Variants in FCN3 observed in about 807,000 individuals in gnomAD.
The protein encoded by FCN3 is ficolin-3.
FCN3 carries 28 observed loss-of-function variants against 31.5 expected under a neutral mutation model. The observed-to-expected ratio is 0.89, with a 90% confidence interval of 0.66 to 1.22. The LOEUF (loss-of-function observed/expected upper bound fraction) is 1.22. Among genes scored for constraint, FCN3 ranks in the 50% most tolerant of loss-of-function variants. The probability of loss-of-function intolerance (pLI) is 0.00; values close to 1 mark genes in which losing one functional copy is unlikely to be tolerated. For synonymous variants in FCN3, 124 were observed against 147.4 expected (o/e 0.84, Z 1.15); for missense variants, 351 against 386.8 (o/e 0.91, Z 0.78).
At chr1:27,371,916 C>T (rs769767071) in intron 5 of FCN3, among the ~76,000 whole-genome samples, 26 of 152,180 alleles carry the variant, frequency 1.7e-4, no homozygotes, top group Non-Finnish European at 2.4e-4. Flanking sequence ...CCTGCCACCA[C>T]GCCCAGCTAA....
At position 27,371,156 on chromosome 1, in the gene FCN3, A is replaced by G. The variant is rs562025241; in HGVS notation, c.394-184T>C. ...ACTCTACATTCCCTTGTTAACTTTT[A>G]CTGACACTCAACTTCATGCCACAGC... On this transcript the variant is annotated intron_variant, in intron 5 of 7. Transcript: ENST00000270879. Among the ~76,000 whole-genome samples the G allele has an allele frequency of 2.0e-5, 3 of 152,316 alleles. 1 individual carries two copies. In the South Asian group the frequency reaches 6.2e-4, roughly 32 times the overall value.
At chr1:27,371,089 TA>T (rs1253330112) in intron 5 of FCN3, 117 bp from the exon 6 acceptor site, 19 of 994,306 alleles carry the variant, frequency 1.9e-5, no homozygotes, top group Admixed American at 4.6e-5. Flanking sequence ...GGCCTGTTGA[TA>T]AAATGGGGAT....
At chr1:27,373,424 G>A (rs2016188211) in intron 4 of FCN3, 64 bp downstream of exon 4, 1 of 1,604,286 alleles carries the variant, frequency 6.2e-7, no homozygotes, top group Middle Eastern at 1.7e-4. Flanking sequence ...GCCACACTTG[G>A]GGGTCTGCCA....
intron 5 of FCN3, 99 bp from the exon 6 acceptor site, chr1:27,371,071 T>C (rs956272818): frequency 1.2e-5 from 14 of 1,206,964 alleles, no homozygotes; most frequent in Admixed American, 2.1e-5. Context: ...ACTCTCTCTT[T>C]GGATTGGGGC....
rs2016134581 is a variant in FCN3 at position 27,370,958 on chromosome 1, G to A, written c.408C>T (p.Arg136=). The A allele has an allele frequency of 6.2e-7, 1 of 1,612,586 alleles. No homozygotes were observed. Among genetic ancestry groups the A allele is most frequent in the Non-Finnish European group, 8.5e-7 (1 of 1,179,726 alleles). The change falls in exon 6 of 8, where the codon CGC becomes CGT. Residue 136 remains arginine (R), a synonymous_variant. Transcript: ENST00000270879. ...GGAAGAAATCCACAGAACCATCCTG[G>A]CGCCTCTGAAACACCTGGGGGAGGG... ...EGGGWLVFQR[R]QDGSVDFFRS...
At chr1:27,374,055 A>C in intron 2 of FCN3, 46 bp from the exon 3 acceptor site, 2 of 1,550,732 alleles carry the variant, frequency 1.3e-6, no homozygotes, top group Non-Finnish European at 1.8e-6. Flanking sequence ...CCCCATGCCC[A>C]GGACCAAAAA....
At chr1:27,372,693 A>G (rs2016169881) in intron 5 of FCN3, among the ~76,000 whole-genome samples, 1 of 150,278 alleles carries the variant, frequency 6.7e-6, no homozygotes, top group Admixed American at 6.6e-5. Flanking sequence ...CAGCTCACTC[A>G]CGCGTTCCCT....
Position 27,374,385 on chromosome 1 carries a change from G to A in FCN3, c.158C>T (p.Pro53Leu), listed in dbSNP as rs778101387. 6.2e-7 allele frequency: 1 copy of A among 1,613,664 alleles called. No individual in the cohort carries two copies. The highest frequency in any genetic ancestry group is 1.1e-5 in the South Asian group (1 of 91,068). ...LPSCPGAPGS[P>L]GEKGAPGPQG... is the part of the protein sequence containing the mutation. ...AGGACCTGGGGCTCCCTTCTCCCCA[G>A]GACTTCCTGGAGCTCCGGGACAACT... The change falls in exon 2 of 8, where the codon CCT becomes CTT. Residue 53 changes from proline (P) to leucine (L), a missense_variant. Pro to Leu is a moderately conservative substitution (Grantham distance 98). Transcript: ENST00000270879.
chr1:27,373,893 G>C (rs747787201), intron 3 of FCN3, 72 bp downstream of exon 3: 2 of 1,328,860 alleles, frequency 1.5e-6, no homozygotes, highest in Non-Finnish European at 2.1e-6. Context: ...CAGCAGCCAA[G>C]CAGAGATCCC....
chr1:27,371,042 GA>G, intron 5 of FCN3, 70 bp from the exon 6 acceptor site: 1 of 1,524,992 alleles, frequency 6.6e-7, no homozygotes. Flanking sequence ...CAGGAACTGT[GA>G]GGGGTGGGTG....
In FCN3 at chr1:27,369,241, G is replaced by A. The variant is rs775014167; in HGVS notation, c.895C>T (p.Arg299Ter). ...GCACTGGCTGCCAGAGTGCCCTATC[G>A]AAGCATCATCCGAACCCTGCGGTAG... ...HPYRRVRMMLR is the reference protein window; with the variant it reads ...HPYRRVRMML The change falls in exon 8 of 8, where the codon CGA (arginine) becomes TGA (stop). Residue 299 changes from arginine (R) to a stop codon, truncating the protein, a stop_gained. Transcript: ENST00000270879. LOFTEE classifies it high-confidence loss of function. The A allele has an allele frequency of 3.0e-5, 48 of 1,614,060 alleles. No homozygotes were observed. The highest frequency in any genetic ancestry group is 1.5e-4 in the Admixed American group (9 of 60,014).
intron 2 of FCN3, 149 bp downstream of exon 2, chr1:27,374,207 T>C: frequency 2.8e-6 from 2 of 716,358 alleles, no homozygotes; most frequent in Non-Finnish European, 4.7e-6. Flanking sequence ...CCTGGCAGAG[T>C]TGATCTTAGG....
chr1:27,369,591 CACGAGCA>C lies in FCN3; in HGVS notation c.659-121_659-115del, dbSNP rs1270463740. 4.0e-5 allele frequency: 38 copies of C among 943,368 alleles called. No homozygotes were observed. The African/African-American group carries it at 5.4e-4, about 13-fold the overall frequency. The allele number at this position is 943,368 out of a possible 1,614,324, so 58.4% of individuals were successfully genotyped here. ...CTAAGAGTTGAATTTTATCAGGCCC[CACGAGCA>C]ACACCAAGGGGCCAGGTTGTTTGCG... On this transcript the variant is annotated intron_variant, in intron 7 of 7. Coordinates refer to ENST00000270879, the MANE Select transcript of FCN3 (RefSeq NM_003665.4).
chr1:27,372,041 G>A (rs1292947665), intron 5 of FCN3, among the ~76,000 whole-genome samples: 1 of 151,876 alleles, frequency 6.6e-6, no homozygotes, highest in Admixed American at 6.6e-5. Flanking sequence ...GATTACAGGT[G>A]TGAGCTACTG....
rs543940787 is a variant in FCN3, at chr1:27,369,146, A to G, written c.*90T>C. The G allele has an allele frequency of 1.8e-3, 2,597 of 1,459,436 alleles. 11 individuals are homozygous for G. Among genetic ancestry groups the G allele is most frequent in the South Asian group, 0.01 (838 of 83,698 alleles). The allele number at this position is 1,459,436 out of a possible 1,614,324, so 90.4% of individuals were successfully genotyped here. A position where few individuals can be genotyped will look rare whatever the true frequency, so the allele number is the denominator to read the frequency against. On this transcript the variant is annotated 3_prime_UTR_variant, in exon 8 of 8. Coordinates refer to ENST00000270879, the MANE Select transcript of FCN3 (RefSeq NM_003665.4). ...AAAATGATTTTATTTTTAAATGTGG[A>G]CAGGCAAGCAGAGGTGGTTGGCAAA...
intron 5 of FCN3, among the ~76,000 whole-genome samples, chr1:27,372,000 A>G (rs541420186): frequency 2.4e-4 from 36 of 151,856 alleles, no homozygotes; most frequent in African/African-American, 7.5e-4. Flanking sequence ...AGCTCAGGCA[A>G]TCCACCCACC....
Position 27,370,980 on chromosome 1 carries a change from A to G in FCN3, c.394-8T>C, listed in dbSNP as rs1353008471. On this transcript the variant is annotated splice_region_variant and splice_polypyrimidine_tract_variant and intron_variant, in intron 5 of 7. Coordinates refer to ENST00000270879, the MANE Select transcript of FCN3 (RefSeq NM_003665.4). ...CTGGCGCCTCTGAAACACCTGGGGG[A>G]GGGGGGGCACAGCAGCTATTACTCC... 4 of 1,600,604 alleles carry G rather than the reference A, an allele frequency of 2.5e-6. No homozygotes were observed. The highest frequency in any genetic ancestry group is 3.4e-6 in the Non-Finnish European group (4 of 1,174,086).
rs140272684 is a variant in FCN3, at chr1:27,371,673, A to C, written c.394-701T>G. ...CCCTGGCCTTACCCTGATGTCTTCC[A>C]CCTCCCCCTCCAAGCCAAGTAGGCC... On this transcript the variant is annotated intron_variant, in intron 5 of 7. Coordinates refer to ENST00000270879, the MANE Select transcript of FCN3 (RefSeq NM_003665.4). Among the ~76,000 whole-genome samples, 82 of 151,976 alleles carry C rather than the reference A, an allele frequency of 5.4e-4. 1 individual carries two copies. In the East Asian group the frequency reaches 0.01, roughly 19 times the overall value.
chr1:27,374,592 A>T (rs2016213784), intron 1 of FCN3, 136 bp downstream of exon 1: 1 of 742,082 alleles, frequency 1.3e-6, no homozygotes, highest in Non-Finnish European at 2.2e-6. Flanking sequence ...CTTTGCATCC[A>T]TTTGCATATA....
Sources: allele counts gnomAD v4.1 joint callset (sites outside exome capture counted in the v4.1 genomes callset), GRCh38; gene constraint gnomAD v4.1.1; transcripts MANE v1.5; gene names NCBI Gene and HGNC (gene_info 2026-07-23, HGNC 2026-07-21).